Variants in ACO1 observed in about 807,000 individuals in gnomAD.
ACO1 encodes cytoplasmic aconitate hydratase.
A neutral mutation model predicts 105.1 loss-of-function variants in ACO1; 78 were observed. That is an observed-to-expected ratio of 0.74 (90% CI 0.62 to 0.90). The LOEUF (loss-of-function observed/expected upper bound fraction) is 0.90, where lower values mean the gene tolerates loss of function less well. Ranked by LOEUF, ACO1 falls within the 40% of genes least tolerant of loss-of-function variation. ACO1 has a pLI of 0.00. For synonymous variants in ACO1, 364 were observed against 397.4 expected (o/e 0.92, Z 1.00); for missense variants, 965 against 1,111.1 (o/e 0.87, Z 1.87).
At chr9:32,386,672 C>T (rs182786015) in intron 1 of ACO1, among the ~76,000 whole-genome samples, 6 of 152,272 alleles carry the variant, frequency 3.9e-5, no homozygotes, top group Non-Finnish European at 7.4e-5. Flanking sequence ...GCACAGTCCA[C>T]AGGTGAGGAG....
At chr9:32,405,643 CA>C in intron 2 of ACO1, 40 bp downstream of exon 2, 2 of 1,379,562 alleles carry the variant, frequency 1.4e-6, no homozygotes, top group Non-Finnish European at 2.0e-6. Flanking sequence ...ATCTCATTTG[CA>C]CAATGATTAG....
intron 4 of ACO1, among the ~76,000 whole-genome samples, chr9:32,409,343 G>C (rs564344001): frequency 1.3e-5 from 2 of 152,288 alleles, no homozygotes; most frequent in Middle Eastern, 3.4e-3. Flanking sequence ...GAGCTGAGCA[G>C]ATAAATAGGC....
At chr9:32,437,530 G>T (rs1822388015) in intron 18 of ACO1, among the ~76,000 whole-genome samples, 1 of 152,184 alleles carries the variant, frequency 6.6e-6, no homozygotes, top group Non-Finnish European at 1.5e-5. Context: ...AGACCAAGGG[G>T]AAAGACTTGT....
chr9:32,401,342 T>G (rs1489458330), intron 1 of ACO1, among the ~76,000 whole-genome samples: 1 of 149,240 alleles, frequency 6.7e-6, no homozygotes, highest in Non-Finnish European at 1.5e-5. Flanking sequence ...GTTTTTTTTT[T>G]CCCCCTGAGG....
At chr9:32,435,928 A>C (rs1036085632) in intron 17 of ACO1, 8 of 463,650 alleles carry the variant, frequency 1.7e-5, no homozygotes, top group African/African-American at 1.6e-4. Flanking sequence ...TCTTTATCTT[A>C]TATGAAGCTT....
rs1587533761 is a variant in ACO1, at chr9:32,418,512, G to T, written c.658+1G>T. On this transcript the variant is annotated splice_donor_variant, in intron 6 of 20. Transcript: ENST00000309951. LOFTEE classifies it high-confidence loss of function. ...GATGGCTTGGGCATTCTTGGTTGGG[G>T]TGAGTGTTCTTCCATATATGCTGTT... 6.2e-7 allele frequency: 1 copy of T among 1,610,932 alleles called. No individual in the cohort carries two copies. The highest frequency in any genetic ancestry group is 8.5e-7 in the Non-Finnish European group (1 of 1,177,546).
At chr9:32,393,383 G>T (rs1380938589) in intron 1 of ACO1, among the ~76,000 whole-genome samples, 1 of 152,132 alleles carries the variant, frequency 6.6e-6, no homozygotes, top group Admixed American at 6.5e-5. Context: ...TTATTAGGAC[G>T]AGGAAATTCC....
chr9:32,443,710 G>A (rs181512172), intron 19 of ACO1, among the ~76,000 whole-genome samples: 1 of 152,308 alleles, frequency 6.6e-6, no homozygotes, highest in East Asian at 1.9e-4. Context: ...TAGTATGAGT[G>A]TAGTGATATT....
chr9:32,437,947 A>G (rs532483779), intron 18 of ACO1, among the ~76,000 whole-genome samples: 162 of 152,156 alleles, frequency 1.1e-3, no homozygotes, highest in Non-Finnish European at 1.9e-3. Flanking sequence ...TAAAAAGAGA[A>G]CAGAAAAAAT....
intron 10 of ACO1, among the ~76,000 whole-genome samples, chr9:32,424,987 A>G (rs1183184309): frequency 6.6e-6 from 1 of 152,006 alleles, no homozygotes; most frequent in African/African-American, 2.4e-5. Context: ...CTCTTCTCCA[A>G]CTCATATTAC....
intron 17 of ACO1, among the ~76,000 whole-genome samples, chr9:32,435,112 A>T (rs890221375): frequency 6.6e-6 from 1 of 152,168 alleles, no homozygotes; most frequent in Non-Finnish European, 1.5e-5. Flanking sequence ...CAGCTTACTC[A>T]TCTGTTTATC....
Position 32,436,376 on chromosome 9 carries a change from C to A in ACO1, c.2226C>A (p.Ile742=). ...TGAACAAGCAGGCACCACAGACTATCCATCTGCCTTCTGGGGAAATCGTGA... is the reference window on the plus strand; with the variant it reads ...TGAACAAGCAGGCACCACAGACTATACATCTGCCTTCTGGGGAAATCGTGA... The part of the protein sequence containing the change: ...RFLNKQAPQT[I]HLPSGEILDV... Residue 742 remains isoleucine, a synonymous_variant, in exon 18 of 21, where the codon ATC becomes ATA. Transcript: ENST00000309951. The A allele has an allele frequency of 6.2e-7, 1 of 1,614,150 alleles. No homozygotes were observed. The highest frequency in any genetic ancestry group is 8.5e-7 in the Non-Finnish European group (1 of 1,180,006).
chr9:32,416,564 A>C (rs1202491326), intron 4 of ACO1, among the ~76,000 whole-genome samples: 1 of 152,120 alleles, frequency 6.6e-6, no homozygotes, highest in Non-Finnish European at 1.5e-5. Context: ...AGGTGGGTTC[A>C]TGGCCCATTC....
intron 1 of ACO1, among the ~76,000 whole-genome samples, chr9:32,398,301 T>C (rs1444237175): frequency 1.3e-5 from 2 of 152,230 alleles, no homozygotes; most frequent in Admixed American, 6.5e-5. Flanking sequence ...ATCCTTGGCA[T>C]TTAGCTTAAA....
rs1230252454 is a variant in ACO1 at position 32,454,404 on chromosome 9, C to T, written c.*4293C>T. 1 of 152,134 alleles carries T rather than the reference C, an allele frequency of 6.6e-6. No homozygotes were observed. Among genetic ancestry groups the T allele is most frequent in the Non-Finnish European group, 1.5e-5 (1 of 68,024 alleles). 9.4% of individuals were successfully genotyped at this position (152,134 alleles called of 1,614,324 possible). A position where few individuals can be genotyped will look rare whatever the true frequency, so the allele number is the denominator to read the frequency against. Reference sequence around the variant, plus strand: ...TACTGACCTTGATGTTGGGATGACTCTTCATTTCAGGGTGAAAATATCACA... The same window carrying T: ...TACTGACCTTGATGTTGGGATGACTTTTCATTTCAGGGTGAAAATATCACA... On this transcript the variant is annotated 3_prime_UTR_variant, in exon 21 of 21. Coordinates refer to ENST00000309951, the MANE Select transcript of ACO1 (RefSeq NM_002197.3).
At chr9:32,410,412 T>C (rs1821713320) in intron 4 of ACO1, among the ~76,000 whole-genome samples, 1 of 151,568 alleles carries the variant, frequency 6.6e-6, no homozygotes, top group Non-Finnish European at 1.5e-5. Flanking sequence ...CAAAAAAAAA[T>C]AGCTGGGTGT....
chr9:32,408,358 T>C (rs935137301), intron 3 of ACO1, among the ~76,000 whole-genome samples, 156 bp from the exon 4 acceptor site: 1 of 152,206 alleles, frequency 6.6e-6, no homozygotes, highest in Non-Finnish European at 1.5e-5. Context: ...CCTGAGGAAA[T>C]ACGCTTAGAA....
chr9:32,390,401 A>G (rs1303085258), intron 1 of ACO1, among the ~76,000 whole-genome samples: 1 of 152,144 alleles, frequency 6.6e-6, no homozygotes, highest in Non-Finnish European at 1.5e-5. Flanking sequence ...CCTTTCTTGA[A>G]TCCCACTTGT....
chr9:32,411,422 G>A (rs1587527180), intron 4 of ACO1, among the ~76,000 whole-genome samples: 1 of 152,232 alleles, frequency 6.6e-6, no homozygotes, highest in Non-Finnish European at 1.5e-5. Context: ...AAATTTAGAA[G>A]CAACGAATGA....
Sources: gnomAD v4.1 joint callset for allele counts (sites outside exome capture counted in the v4.1 genomes callset) on GRCh38, gnomAD v4.1.1 for gene constraint, MANE v1.5 for transcripts, NCBI Gene and HGNC (gene_info 2026-07-23, HGNC 2026-07-21) for gene names.